The following GYG2 variants were observed in gnomAD, a reference collection of about 807,000 sequenced individuals.
The protein encoded by GYG2 is glycogenin 2.
Under a neutral mutation model 29.4 loss-of-function variants are expected in GYG2, and 29 were observed. The observed-to-expected ratio is 0.99, with a 90% confidence interval of 0.74 to 1.35. GYG2 has a LOEUF of 1.35. GYG2 is among the 40% of genes most tolerant of loss of function. GYG2 has a pLI of 0.00. For synonymous variants in GYG2, 167 were observed against 172.3 expected (o/e 0.97, Z 0.24); for missense variants, 370 against 385.7 (o/e 0.96, Z 0.34).
chrX:2,844,415 T>C (rs193089934), intron 3 of GYG2, among the ~76,000 whole-genome samples: 1 of 110,684 alleles, frequency 9.0e-6, no homozygotes, highest in Admixed American at 9.7e-5. Context: ...AGACAGAAAA[T>C]TTAAATCAGT....
chrX:2,834,519 A>C (rs752271769), intron 2 of GYG2, among the ~76,000 whole-genome samples: 4 of 111,383 alleles, frequency 3.6e-5, no homozygotes, highest in Non-Finnish European at 7.5e-5. Flanking sequence ...TGCAGTATCG[A>C]AACACCCATT....
chrX:2,861,681 G>C lies in GYG2; in HGVS notation c.997G>C (p.Asp333His). 8.3e-7 allele frequency: 1 copy of C among 1,202,129 alleles called. No homozygotes were observed. Residue 333 changes from aspartate to histidine, a missense_variant, in exon 8 of 11, where the codon GAT becomes CAT. Coordinates refer to ENST00000398806, the MANE Select transcript of GYG2 (RefSeq NM_001079855.2). ...CCTTCCGGAGCCGACCCAGATAGTG[G>C]ATGAGACCCTGTCCCTACCTGAAGG... is the stretch of plus-strand genomic sequence containing the variant. Reference protein sequence around the residue: ...QGLPEPTQIVDETLSLPEGRR... With the variant: ...QGLPEPTQIVHETLSLPEGRR...
intron 8 of GYG2, 27 bp downstream of exon 8, chrX:2,861,749 T>C: frequency 1.9e-6 from 2 of 1,068,531 alleles, no homozygotes; most frequent in Non-Finnish European, 2.6e-6. Flanking sequence ...CTCACAGGTG[T>C]GATAGTCAGA....
intron 2 of GYG2, among the ~76,000 whole-genome samples, chrX:2,840,978 T>C (rs1297332443): frequency 7.0e-5 from 7 of 99,830 alleles, no homozygotes; most frequent in Non-Finnish European, 1.2e-4. Flanking sequence ...GATAGATAGA[T>C]ATATGATAGA....
At chrX:2,842,524 A>G (rs2087526914) in intron 2 of GYG2, among the ~76,000 whole-genome samples, 1 of 111,274 alleles carries the variant, frequency 9.0e-6, no homozygotes, top group Non-Finnish European at 1.9e-5. Flanking sequence ...GAGTTGGGTT[A>G]CATCTTTGCT....
At chrX:2,836,222 A>G (rs1163962720) in intron 2 of GYG2, among the ~76,000 whole-genome samples, 6 of 111,412 alleles carry the variant, frequency 5.4e-5, no homozygotes, top group Non-Finnish European at 7.5e-5. Context: ...CTTTCAGGGC[A>G]GCTGATGGCT....
At chrX:2,871,103 T>C (rs2147258689) in intron 8 of GYG2, among the ~76,000 whole-genome samples, 1 of 110,246 alleles carries the variant, frequency 9.1e-6, no homozygotes, top group East Asian at 2.9e-4. Flanking sequence ...GAAATTGGGC[T>C]TCAGTGTTTG....
At chrX:2,838,332 C>G (rs1474276585) in intron 2 of GYG2, among the ~76,000 whole-genome samples, 1 of 110,711 alleles carries the variant, frequency 9.0e-6, no homozygotes, top group Non-Finnish European at 1.9e-5. Context: ...GGCATTTTCA[C>G]AATGTTCTCC....
intron 10 of GYG2, among the ~76,000 whole-genome samples, chrX:2,880,020 T>TAGAC (rs1001943377): frequency 9.0e-6 from 1 of 111,576 alleles, no homozygotes; most frequent in African/African-American, 3.3e-5. Context: ...AAATAGATGA[T>TAGAC]AGATAGATAG....
chrX:2,870,524 G>A (rs745488016), intron 8 of GYG2, among the ~76,000 whole-genome samples: 5 of 111,538 alleles, frequency 4.5e-5, no homozygotes, highest in South Asian at 3.8e-4. Context: ...TAGTAGAACC[G>A]TTGACTGTGT....
At chrX:2,835,876 C>T (rs1165897894) in intron 2 of GYG2, among the ~76,000 whole-genome samples, 1 of 111,526 alleles carries the variant, frequency 9.0e-6, no homozygotes, top group Non-Finnish European at 1.9e-5. Flanking sequence ...AAAATGAGCA[C>T]AGCAGGTAAG....
At chrX:2,879,098 G>A (rs979383243) in intron 10 of GYG2, among the ~76,000 whole-genome samples, 1 of 110,438 alleles carries the variant, frequency 9.1e-6, no homozygotes. Context: ...ATAATATATG[G>A]GAATGAGTGT....
At chrX:2,863,369 C>G (rs1029184505) in intron 8 of GYG2, among the ~76,000 whole-genome samples, 1 of 111,768 alleles carries the variant, frequency 8.9e-6, no homozygotes, top group Non-Finnish European at 1.9e-5. Context: ...CCACCACGCC[C>G]GGCAAGATTT....
intron 2 of GYG2, among the ~76,000 whole-genome samples, chrX:2,831,924 T>G (rs1428197956): frequency 8.9e-6 from 1 of 112,392 alleles, no homozygotes; most frequent in Non-Finnish European, 1.9e-5. Flanking sequence ...TGGGCTGTGG[T>G]GCAGTGACAG....
intron 10 of GYG2, among the ~76,000 whole-genome samples, chrX:2,880,732 A>T (rs1603460563): frequency 9.1e-6 from 1 of 110,089 alleles, no homozygotes; most frequent in Non-Finnish European, 1.9e-5. Context: ...ACATAATGAG[A>T]CCCCATCTGT....
Position 2,847,930 on chromosome X carries a change from G to A in GYG2, c.149+4576G>A, listed in dbSNP as rs73632945. Reference sequence around the variant, plus strand: ...CCCTGGGCTCCGCCCACCAGATGCCGGCAGGAGTTGGCAGTTGTGACAACT... The same window carrying A: ...CCCTGGGCTCCGCCCACCAGATGCCAGCAGGAGTTGGCAGTTGTGACAACT... On this transcript the variant is annotated intron_variant, in intron 3 of 10. Coordinates refer to ENST00000398806, the MANE Select transcript of GYG2 (RefSeq NM_001079855.2). 9.5e-3 allele frequency among the ~76,000 whole-genome samples: 1,055 copies of A among 111,444 alleles called. 16 individuals carry two copies. The highest frequency in any genetic ancestry group is 0.031 in the African/African-American group (949 of 30,736).
At chrX:2,842,596 A>G (rs930632765) in intron 2 of GYG2, among the ~76,000 whole-genome samples, 2 of 110,572 alleles carry the variant, frequency 1.8e-5, no homozygotes, top group African/African-American at 6.6e-5. Context: ...CTAAGATCTA[A>G]ACACTTTGGG....
chrX:2,840,809 A>G (rs758295652), intron 2 of GYG2, among the ~76,000 whole-genome samples: 2 of 111,291 alleles, frequency 1.8e-5, no homozygotes, highest in African/African-American at 3.3e-5. Flanking sequence ...TGATAAATAG[A>G]TGATAGAGAT....
Position 2,854,092 on chromosome X carries a change from A to G in GYG2, c.262A>G (p.Lys88Glu). The change falls in exon 4 of 11, where the codon AAG becomes GAG. Residue 88 changes from lysine to glutamate, a missense_variant. Lys to Glu is a moderately conservative substitution (Grantham distance 56). Coordinates refer to ENST00000398806, the MANE Select transcript of GYG2 (RefSeq NM_001079855.2). ...KRPELGLTLTKLHCWTLTHYS... is the reference protein window; with the variant it reads ...KRPELGLTLTELHCWTLTHYS... Reference sequence around the variant, plus strand: ...ACCTGAGCTCGGGCTCACCCTCACCAAGCTTCACTGTTGGACTCTCACTCA... The same window carrying G: ...ACCTGAGCTCGGGCTCACCCTCACCGAGCTTCACTGTTGGACTCTCACTCA... The G allele has an allele frequency of 8.3e-7, 1 of 1,207,094 alleles. No individual in the cohort carries two copies. Among genetic ancestry groups the G allele is most frequent in the South Asian group, 1.8e-5 (1 of 56,367 alleles).
Sources: allele counts gnomAD v4.1 joint callset (sites outside exome capture counted in the v4.1 genomes callset), GRCh38; gene constraint gnomAD v4.1.1; transcripts MANE v1.5; gene names NCBI Gene and HGNC (gene_info 2026-07-23, HGNC 2026-07-21).